The following LIMA1 variants were observed in gnomAD, a reference collection of about 807,000 sequenced individuals.
The protein encoded by LIMA1 is LIM domain and actin binding 1.
A neutral mutation model predicts 62.6 loss-of-function variants in LIMA1; 52 were observed. That is an observed-to-expected ratio of 0.83 (90% CI 0.67 to 1.05). LIMA1 has a LOEUF of 1.05. Ranked by LOEUF, LIMA1 falls within the 50% of genes least tolerant of loss-of-function variation. LIMA1 has a pLI of 0.00. For missense variants in LIMA1, 780 were observed against 902.2 expected (o/e 0.86, Z 1.74); for synonymous variants, 302 against 317.8 (o/e 0.95, Z 0.53).
chr12:50,233,400 T>C (rs1208511736), intron 2 of LIMA1, among the ~76,000 whole-genome samples: 1 of 152,260 alleles, frequency 6.6e-6, no homozygotes, highest in African/African-American at 2.4e-5. Flanking sequence ...TATTTATGCC[T>C]GATATCTTAC....
chr12:50,239,132 C>T (rs1198942706), intron 2 of LIMA1, among the ~76,000 whole-genome samples: 1 of 152,060 alleles, frequency 6.6e-6, no homozygotes, highest in East Asian at 1.9e-4. Flanking sequence ...ATAATATCTG[C>T]TCTCCGATGC....
At chr12:50,193,975 A>G (rs1296723585) in intron 8 of LIMA1, among the ~76,000 whole-genome samples, 3 of 113,164 alleles carry the variant, frequency 2.7e-5, no homozygotes, top group African/African-American at 1.1e-4. Context: ...AAACATATAT[A>G]TACATATATA....
intron 1 of LIMA1, among the ~76,000 whole-genome samples, chr12:50,256,497 C>T (rs992756780): frequency 1.3e-5 from 2 of 152,286 alleles, no homozygotes; most frequent in Non-Finnish European, 2.9e-5. Context: ...TAACTATAGA[C>T]TTTATTGAAA....
chr12:50,196,550 CT>C (rs759687157), intron 7 of LIMA1, among the ~76,000 whole-genome samples: 40 of 152,176 alleles, frequency 2.6e-4, no homozygotes, highest in Non-Finnish European at 5.6e-4. Context: ...AAAGAACTCT[CT>C]ATTAGAGCTC....
At position 50,219,353 on chromosome 12, in the gene LIMA1, C is replaced by T. The variant is rs778327847; in HGVS notation, c.630+2668G>A. On this transcript the variant is annotated intron_variant, in intron 4 of 10. Coordinates refer to ENST00000341247, the MANE Select transcript of LIMA1 (RefSeq NM_016357.5). ...TACAAAAATTAGCTGGGCGTGGTGG[C>T]GGGCGCCTATAATCCCAGCTATTTG... 2.6e-5 allele frequency among the ~76,000 whole-genome samples: 4 copies of T among 151,946 alleles called. No individual in the cohort carries two copies. The South Asian group carries it at 6.2e-4, about 24-fold the overall frequency.
chr12:50,222,749 G>C, intron 3 of LIMA1: 1 of 1,210,022 alleles, frequency 8.3e-7, no homozygotes, highest in South Asian at 1.8e-5. Flanking sequence ...TGAGAAGAAA[G>C]GCAAACCCAG....
intron 9 of LIMA1, 105 bp from the exon 10 acceptor site, chr12:50,182,142 A>T: frequency 1.6e-6 from 2 of 1,270,136 alleles, no homozygotes; most frequent in Non-Finnish European, 2.2e-6. Context: ...TTAGCTGGTC[A>T]GTCAATTCTC....
chr12:50,229,979 T>C (rs1244224982), intron 3 of LIMA1: 1 of 152,342 alleles, frequency 6.6e-6, no homozygotes, highest in African/African-American at 2.4e-5. Context: ...CTATCCTCCT[T>C]ACCTGCCTCA....
intron 3 of LIMA1, among the ~76,000 whole-genome samples, chr12:50,230,406 T>G (rs1941592218): frequency 6.6e-6 from 1 of 152,062 alleles, no homozygotes; most frequent in Admixed American, 6.6e-5. Context: ...TGGGATGTAG[T>G]CTGTGCTTGG....
chr12:50,239,060 T>C (rs1941736743), intron 2 of LIMA1, among the ~76,000 whole-genome samples: 1 of 152,166 alleles, frequency 6.6e-6, no homozygotes, highest in South Asian at 2.1e-4. Context: ...GAAATACTTA[T>C]TGCTGTCTAC....
At chr12:50,257,020 A>G (rs566497288) in intron 1 of LIMA1, among the ~76,000 whole-genome samples, 17 of 152,182 alleles carry the variant, frequency 1.1e-4, no homozygotes, top group African/African-American at 3.9e-4. Context: ...TAAAGTTATT[A>G]TTTGTTTTCC....
At chr12:50,253,459 C>T (rs1416883622) in intron 1 of LIMA1, among the ~76,000 whole-genome samples, 1 of 152,148 alleles carries the variant, frequency 6.6e-6, no homozygotes, top group Non-Finnish European at 1.5e-5. Context: ...CTGTTTGATT[C>T]CAAAGTCCAT....
At chr12:50,265,134 C>T (rs1055966937) in intron 1 of LIMA1, among the ~76,000 whole-genome samples, 1 of 147,870 alleles carries the variant, frequency 6.8e-6, no homozygotes, top group African/African-American at 2.5e-5. Flanking sequence ...GCCTGGGCAA[C>T]AGAGTGAGAC....
At chr12:50,271,781 G>A (rs2138699138) in intron 1 of LIMA1, among the ~76,000 whole-genome samples, 1 of 152,276 alleles carries the variant, frequency 6.6e-6, no homozygotes, top group Non-Finnish European at 1.5e-5. Flanking sequence ...CCTGGAACAT[G>A]TAGGGGCTCA....
chr12:50,257,183 C>T (rs1019393611), intron 1 of LIMA1, among the ~76,000 whole-genome samples: 1 of 152,208 alleles, frequency 6.6e-6, no homozygotes, highest in Non-Finnish European at 1.5e-5. Context: ...ATCCTTTCTA[C>T]ATTTATTAAT....
At chr12:50,231,735 G>A in intron 2 of LIMA1, 25 bp from the exon 3 acceptor site, 1 of 1,601,822 alleles carries the variant, frequency 6.2e-7, no homozygotes, top group Non-Finnish European at 8.6e-7. Flanking sequence ...AGGAAAGAAT[G>A]TCTCAAATTA....
At chr12:50,232,043 CTTTTTTTTTTTTT>C (rs750844822) in intron 2 of LIMA1, among the ~76,000 whole-genome samples, 1 of 83,452 alleles carries the variant, frequency 1.2e-5, no homozygotes, top group African/African-American at 5.3e-5. Flanking sequence ...GAGTGCCCAG[CTTTTTTTTTTTTT>C]TTTTTTTTTT....
intron 1 of LIMA1, among the ~76,000 whole-genome samples, chr12:50,262,600 C>T (rs1023779673): frequency 4.0e-5 from 6 of 150,750 alleles, no homozygotes; most frequent in African/African-American, 1.5e-4. Flanking sequence ...ATGGCGAGAC[C>T]TGTTCTCTGC....
intron 2 of LIMA1, among the ~76,000 whole-genome samples, chr12:50,235,079 T>TCTA (rs1186108433): frequency 1.3e-5 from 2 of 151,976 alleles, no homozygotes; most frequent in Non-Finnish European, 2.9e-5. Context: ...TCTAAAGACG[T>TCTA]CTACCATCAC....
Sources: allele counts gnomAD v4.1 joint callset (sites outside exome capture counted in the v4.1 genomes callset), GRCh38; gene constraint gnomAD v4.1.1; transcripts MANE v1.5; gene names NCBI Gene and HGNC (gene_info 2026-07-23, HGNC 2026-07-21).